RBFOX1: variants seen among roughly 807,000 people sequenced by gnomAD.
RBFOX1 encodes the protein RNA binding fox-1 homolog 1, also known as RNA binding protein fox-1 homolog 1.
In RBFOX1, 8 loss-of-function variants were observed where a neutral mutation model predicts 57.7. The observed-to-expected ratio is 0.14, with a 90% confidence interval of 0.08 to 0.25. The LOEUF (loss-of-function observed/expected upper bound fraction) is 0.25, where lower values mean the gene tolerates loss of function less well. Ranked by LOEUF, RBFOX1 falls within the 10% of genes least tolerant of loss-of-function variation. RBFOX1 has a pLI of 1.00. For synonymous variants in RBFOX1, 326 were observed against 222.4 expected, an observed-to-expected ratio of 1.47 and a Z score of -4.15; for missense variants, 611 against 548.5, an observed-to-expected ratio of 1.11 and a Z score of -1.14.
At chr16:5,343,429 C>T (rs1228507439) in intron 1 of RBFOX1, among the ~76,000 whole-genome samples, 1 of 151,650 alleles carries the variant, frequency 6.6e-6, no homozygotes, top group Non-Finnish European at 1.5e-5. Flanking sequence ...ATTCTCCTGC[C>T]TCAGCCTCTT....
At chr16:6,113,750 A>G (rs2096469543) in intron 1 of RBFOX1, among the ~76,000 whole-genome samples, 1 of 152,230 alleles carries the variant, frequency 6.6e-6, no homozygotes, top group Non-Finnish European at 1.5e-5. Flanking sequence ...AATGCCTAGC[A>G]TGTAACATAC....
At chr16:6,114,472 A>C (rs1445662763) in intron 1 of RBFOX1, among the ~76,000 whole-genome samples, 1 of 152,198 alleles carries the variant, frequency 6.6e-6, no homozygotes, top group Non-Finnish European at 1.5e-5. Flanking sequence ...TACAGTATAA[A>C]AAGGCAATAG....
chr16:7,358,153 T>C (rs1198022357), intron 4 of RBFOX1, among the ~76,000 whole-genome samples: 1 of 152,192 alleles, frequency 6.6e-6, no homozygotes, highest in Non-Finnish European at 1.5e-5. Context: ...AAATAAATTG[T>C]GTATCTGTTA....
chr16:6,995,290 TTGTGTGTGTGTGTGTGTGTGTG>T (rs57039390), intron 3 of RBFOX1, among the ~76,000 whole-genome samples: 1 of 138,328 alleles, frequency 7.2e-6, no homozygotes, highest in African/African-American at 2.7e-5. Flanking sequence ...GAAAGTAGCC[TTGTGTGTGTGTGTGTGTGTGTG>T]TGTGTGTGTG....
At chr16:5,459,622 T>G (rs2068731245) in intron 1 of RBFOX1, among the ~76,000 whole-genome samples, 1 of 152,054 alleles carries the variant, frequency 6.6e-6, no homozygotes, top group African/African-American at 2.4e-5. Flanking sequence ...ACAAATCTTT[T>G]TCAGTTTATT....
At chr16:5,497,753 C>T (rs2043051893) in intron 2 of RBFOX1, among the ~76,000 whole-genome samples, 1 of 152,124 alleles carries the variant, frequency 6.6e-6, no homozygotes, top group African/African-American at 2.4e-5. Flanking sequence ...CACAGCACTC[C>T]AGCCTGGACA....
chr16:6,818,906 C>T (rs1032748482), intron 3 of RBFOX1, among the ~76,000 whole-genome samples: 1 of 152,198 alleles, frequency 6.6e-6, no homozygotes, highest in Admixed American at 6.5e-5. Context: ...GACTCGATTT[C>T]CTCTGGGCAT....
intron 4 of RBFOX1, among the ~76,000 whole-genome samples, chr16:7,490,798 A>G (rs904591513): frequency 6.6e-6 from 1 of 152,112 alleles, no homozygotes; most frequent in Non-Finnish European, 1.5e-5. Context: ...AAAAAGACCC[A>G]CCTAATAAAT....
At chr16:6,999,644 T>A (rs969036865) in intron 3 of RBFOX1, among the ~76,000 whole-genome samples, 1 of 152,048 alleles carries the variant, frequency 6.6e-6, no homozygotes, top group Non-Finnish European at 1.5e-5. Flanking sequence ...TTAATCTTCT[T>A]CTCCCTTCCC....
intron 1 of RBFOX1, among the ~76,000 whole-genome samples, chr16:5,299,652 A>G (rs1486402855): frequency 6.6e-6 from 1 of 152,254 alleles, no homozygotes; most frequent in Non-Finnish European, 1.5e-5. Context: ...TTGACTTCAT[A>G]TCTAGAAATA....
intron 2 of RBFOX1, among the ~76,000 whole-genome samples, chr16:5,518,093 C>T (rs2043861639): frequency 6.6e-6 from 1 of 152,118 alleles, no homozygotes; most frequent in Non-Finnish European, 1.5e-5. Context: ...ATGCCTTATG[C>T]TTGTTGCTGT....
chr16:5,586,872 A>G (rs903051011), intron 2 of RBFOX1, among the ~76,000 whole-genome samples: 2 of 152,188 alleles, frequency 1.3e-5, no homozygotes, highest in Non-Finnish European at 2.9e-5. Flanking sequence ...CCAGGACAGT[A>G]TCCTTGAAAT....
At chr16:5,675,275 A>G (rs952548204) in intron 3 of RBFOX1, among the ~76,000 whole-genome samples, 1 of 152,180 alleles carries the variant, frequency 6.6e-6, no homozygotes, top group Non-Finnish European at 1.5e-5. Context: ...GTGAAAACAC[A>G]TTTTTGGGTT....
intron 2 of RBFOX1, among the ~76,000 whole-genome samples, chr16:6,447,588 C>G (rs566287845): frequency 6.6e-6 from 1 of 152,052 alleles, no homozygotes; most frequent in Non-Finnish European, 1.5e-5. Context: ...TTCTGTGTGT[C>G]GCTATATGCA....
intron 3 of RBFOX1, among the ~76,000 whole-genome samples, chr16:6,736,997 A>T (rs2070554173): frequency 2.0e-5 from 3 of 152,188 alleles, no homozygotes; most frequent in Non-Finnish European, 4.4e-5. Context: ...CTTATCCCTG[A>T]CACGGGAACC....
intron 4 of RBFOX1, among the ~76,000 whole-genome samples, chr16:5,908,113 C>CAT (rs1156902761): frequency 1.5e-5 from 2 of 136,094 alleles, no homozygotes; most frequent in African/African-American, 6.6e-5. Context: ...TATATATACA[C>CAT]ATATATACAC....
intron 4 of RBFOX1, among the ~76,000 whole-genome samples, chr16:5,900,904 A>C (rs952117350): frequency 1.3e-5 from 2 of 152,306 alleles, no homozygotes; most frequent in South Asian, 4.1e-4. Context: ...TTACCTGGGG[A>C]AATTAATAGA....
intron 3 of RBFOX1, among the ~76,000 whole-genome samples, chr16:7,023,564 T>TAAAA (rs34056673): frequency 0.032 from 1,395 of 43,910 alleles, 151 homozygotes; most frequent in African/African-American, 0.11. Context: ...TCGTCTGTAC[T>TAAAA]AAAAAAAAAA....
intron 3 of RBFOX1, among the ~76,000 whole-genome samples, chr16:7,050,874 A>G (rs987955449): frequency 4.6e-5 from 7 of 152,050 alleles, no homozygotes; most frequent in Non-Finnish European, 7.4e-5. Flanking sequence ...TTAAGAGCTA[A>G]TCTTAGTGGT....
Sources: allele counts gnomAD v4.1 joint callset (sites outside exome capture counted in the v4.1 genomes callset), GRCh38; gene constraint gnomAD v4.1.1; transcripts MANE v1.5; gene names NCBI Gene and HGNC (gene_info 2026-07-23, HGNC 2026-07-21).